Variants in PODXL2 observed in about 807,000 individuals in gnomAD.
PODXL2 encodes podocalyxin-like protein 2.
In PODXL2, 17 loss-of-function variants were observed where a neutral mutation model predicts 53.4. The observed-to-expected ratio is 0.32, with a 90% CI of 0.22 to 0.48. The LOEUF is 0.48. Among genes scored for constraint, PODXL2 ranks in the 20% least tolerant of loss-of-function variants. PODXL2 has a pLI of 0.99. For synonymous variants in PODXL2, 311 were observed against 306.7 expected (o/e 1.01, Z -0.15); for missense variants, 673 against 760.0 (o/e 0.89, Z 1.35).
At chr3:127,668,732 C>T (rs1167369661) in intron 5 of PODXL2, 135 bp downstream of exon 5, 1 of 884,182 alleles carries the variant, frequency 1.1e-6, no homozygotes, top group Non-Finnish European at 1.6e-6. Context: ...AGCTACTTAG[C>T]TTAGTGGTCA....
At chr3:127,665,654 A>G (rs2074791762) in intron 4 of PODXL2, among the ~76,000 whole-genome samples, 1 of 152,240 alleles carries the variant, frequency 6.6e-6, no homozygotes. Flanking sequence ...CTAGAGGATA[A>G]GGACAAGGAG....
At chr3:127,632,851 T>C (rs1232562511) in intron 1 of PODXL2, among the ~76,000 whole-genome samples, 1 of 152,252 alleles carries the variant, frequency 6.6e-6, no homozygotes, top group Non-Finnish European at 1.5e-5. Context: ...GGAGTGACTG[T>C]ATTTTTCTTT....
At chr3:127,656,166 G>A (rs1473547047) in intron 2 of PODXL2, among the ~76,000 whole-genome samples, 2 of 152,206 alleles carry the variant, frequency 1.3e-5, no homozygotes, top group Admixed American at 6.5e-5. Context: ...TCTTACTTAA[G>A]ACACTAGAGT....
rs72965766 is a variant in PODXL2, at chr3:127,629,839, C to A, written c.70+550C>A. On this transcript the variant is annotated intron_variant, in intron 1 of 7. Coordinates refer to ENST00000342480, the MANE Select transcript of PODXL2 (RefSeq NM_015720.4). The surrounding 1 kb of genome is among the most constrained non-coding windows in gnomAD (Gnocchi z 6.4). ...GTGTCACGGTGAATGGGTATTCTCT[C>A]CTGTTCTGGGCGACTCTATTAGGAG... 0.024 allele frequency among the ~76,000 whole-genome samples: 3,684 copies of A among 152,186 alleles called. 144 individuals are homozygous for A. The highest frequency in any genetic ancestry group is 0.076 in the African/African-American group (3,160 of 41,502).
intron 2 of PODXL2, among the ~76,000 whole-genome samples, chr3:127,642,550 G>A (rs1369727929): frequency 4.6e-5 from 7 of 152,074 alleles, no homozygotes; most frequent in Non-Finnish European, 1.0e-4. Flanking sequence ...GGAAAGTGGT[G>A]TAGAGAGGTG....
chr3:127,661,753 C>T (rs1559878006), intron 3 of PODXL2, among the ~76,000 whole-genome samples: 1 of 151,988 alleles, frequency 6.6e-6, no homozygotes, highest in African/African-American at 2.4e-5. Flanking sequence ...TAGACTTCTG[C>T]ACTGATTCTA....
intron 2 of PODXL2, among the ~76,000 whole-genome samples, chr3:127,642,020 C>CG (rs71150486): frequency 1 from 152,128 of 152,134 alleles, 76,061 homozygotes; most frequent in Middle Eastern, 1. Context: ...GGGCCGGGCA[C>CG]GTGGCTCACG....
At chr3:127,672,235 G>T (rs1355975751) in intron 7 of PODXL2, 33 bp from the exon 8 acceptor site, 13 of 1,524,760 alleles carry the variant, frequency 8.5e-6, no homozygotes, top group African/African-American at 2.8e-5. Flanking sequence ...GGGCTGGCTC[G>T]CTCGCCCATG....
At position 127,660,754 on chromosome 3, in the gene PODXL2, C is replaced by G; in HGVS notation, c.726C>G (p.Ser242Arg). The G allele has an allele frequency of 6.2e-7, 1 of 1,614,210 alleles. No individual in the cohort carries two copies. The highest frequency in any genetic ancestry group is 8.5e-7 in the Non-Finnish European group (1 of 1,180,026). Reference sequence around the variant, plus strand: ...AGGTGGAGAGCAGCATGGGGCCCAGCTTGCTGCTGCCTTCAGTCACCCCAA... The same window carrying G: ...AGGTGGAGAGCAGCATGGGGCCCAGGTTGCTGCTGCCTTCAGTCACCCCAA... ...GVEVESSMGPSLLLPSVTPTT... is the reference protein window; with the variant it reads ...GVEVESSMGPRLLLPSVTPTT... Residue 242 changes from serine (S) to arginine (R), a missense_variant, in exon 3 of 8, where the codon AGC (serine) becomes AGG (arginine). Ser to Arg is a moderately radical substitution (Grantham distance 110). Coordinates refer to ENST00000342480, the MANE Select transcript of PODXL2 (RefSeq NM_015720.4).
intron 1 of PODXL2, among the ~76,000 whole-genome samples, chr3:127,634,998 G>A (rs2074568191): frequency 6.6e-6 from 1 of 152,166 alleles, no homozygotes; most frequent in Non-Finnish European, 1.5e-5. Context: ...CGTCTCTCAT[G>A]TCTACACATC....
At position 127,670,044 on chromosome 3, in the gene PODXL2, A is replaced by C. The variant is rs115863151; in HGVS notation, c.1425+842A>C. 5.3e-3 allele frequency among the ~76,000 whole-genome samples: 806 copies of C among 152,326 alleles called. 8 individuals are homozygous for C. Among genetic ancestry groups the C allele is most frequent in the African/African-American group, 0.018 (752 of 41,564 alleles). On this transcript the variant is annotated intron_variant, in intron 6 of 7. Coordinates refer to ENST00000342480, the MANE Select transcript of PODXL2 (RefSeq NM_015720.4). ...GTGGTATAATGCTGGCCGCCTCTTC[A>C]TCCTTGCATGCCAGGGGAGCAGAGG...
chr3:127,644,408 G>A (rs2074640306), intron 2 of PODXL2, among the ~76,000 whole-genome samples: 1 of 152,192 alleles, frequency 6.6e-6, no homozygotes, highest in Admixed American at 6.5e-5. Context: ...GCCTGGCCAA[G>A]GAATGATTTA....
chr3:127,657,536 C>A (rs955933106), intron 2 of PODXL2, among the ~76,000 whole-genome samples: 1 of 152,216 alleles, frequency 6.6e-6, no homozygotes, highest in Non-Finnish European at 1.5e-5. Flanking sequence ...CTGCTCTTTT[C>A]TCATCATCTC....
intron 2 of PODXL2, among the ~76,000 whole-genome samples, chr3:127,655,484 TTACTC>T (rs1257614492): frequency 6.6e-5 from 10 of 152,114 alleles, no homozygotes; most frequent in Non-Finnish European, 1.2e-4. Context: ...AACTGAGTGT[TTACTC>T]TGCACTGCGG....
Position 127,639,266 on chromosome 3 carries a change from T to G in PODXL2, c.92T>G (p.Val31Gly), listed in dbSNP as rs758545128. Residue 31 changes from valine (V) to glycine (G), a missense_variant, in exon 2 of 8, where the codon GTG (valine) becomes GGG (glycine). Transcript: ENST00000342480. ...ACAGGAGCGTTCCTGGGTGCCTGTG[T>G]GGCTGGGTCTGATGAGCCTGGCCCA... ...LVGGAFLGAC[V>G]AGSDEPGPEG... 6.2e-7 allele frequency: 1 copy of G among 1,608,108 alleles called. No individual in the cohort carries two copies. The highest frequency in any genetic ancestry group is 1.7e-5 in the Admixed American group (1 of 58,896).
At chr3:127,635,105 G>T (rs2074568991) in intron 1 of PODXL2, among the ~76,000 whole-genome samples, 1 of 152,226 alleles carries the variant, frequency 6.6e-6, no homozygotes, top group African/African-American at 2.4e-5. Flanking sequence ...CTACCCTAGA[G>T]AAAGGGAAAC....
intron 1 of PODXL2, among the ~76,000 whole-genome samples, chr3:127,631,153 GGAGGTA>G (rs147366025): frequency 0.011 from 1,664 of 152,336 alleles, 35 homozygotes; most frequent in African/African-American, 0.034. Context: ...CTTACAGAGT[GGAGGTA>G]GCGTGACTGT....
In PODXL2 at chr3:127,629,214, T is replaced by G; in HGVS notation, c.-6T>G. On this transcript the variant is annotated 5_prime_UTR_variant, in exon 1 of 8. Coordinates refer to ENST00000342480, the MANE Select transcript of PODXL2 (RefSeq NM_015720.4). This position sits in a 1 kb window ranked among gnomAD's most constrained non-coding sequence, Gnocchi z 6.4. ...CGCTGCGGCTGCAGGCGGCGACGGC[T>G]ACACCATGGGCCGGCTGCTGCGGGC... 1.0e-6 allele frequency: 1 copy of G among 989,900 alleles called. No homozygotes were observed. Among genetic ancestry groups the G allele is most frequent in the Non-Finnish European group, 1.2e-6 (1 of 834,368 alleles). 61.3% of individuals were successfully genotyped at this position (989,900 alleles called of 1,614,324 possible). A position where few individuals can be genotyped will look rare whatever the true frequency, so the allele number is the denominator to read the frequency against.
At chr3:127,653,577 C>A (rs1376982635) in intron 2 of PODXL2, among the ~76,000 whole-genome samples, 1 of 151,508 alleles carries the variant, frequency 6.6e-6, no homozygotes, top group Non-Finnish European at 1.5e-5. Flanking sequence ...ACCCAGGAGG[C>A]GGAGGTTTCA....
Sources: gnomAD v4.1 joint callset for allele counts (sites outside exome capture counted in the v4.1 genomes callset) on GRCh38, gnomAD v4.1.1 for gene constraint, Gnocchi (gnomAD v3.1) non-coding constraint, MANE v1.5 for transcripts, NCBI Gene and HGNC (gene_info 2026-07-23, HGNC 2026-07-21) for gene names.